The following LEKR1 variants were observed in gnomAD, a reference collection of about 807,000 sequenced individuals.
The protein encoded by LEKR1 is protein LEKR1.
LEKR1 carries 59 observed loss-of-function variants against 72.4 expected under a neutral mutation model. That is an observed-to-expected ratio of 0.82 (90% CI 0.66 to 1.01). LEKR1 has a LOEUF of 1.01. Ranked by LOEUF, LEKR1 falls within the 50% of genes least tolerant of loss-of-function variation. LEKR1 has a pLI of 0.00. For synonymous variants in LEKR1, 257 were observed against 263.2 expected (o/e 0.98, Z 0.23); for missense variants, 728 against 759.2 (o/e 0.96, Z 0.48).
At chr3:156,887,923 T>A (rs537799084) in intron 3 of LEKR1, among the ~76,000 whole-genome samples, 1 of 152,330 alleles carries the variant, frequency 6.6e-6, no homozygotes, top group East Asian at 1.9e-4. Flanking sequence ...TATATGTGTT[T>A]TATATCATTG....
chr3:156,934,249 G>A (rs1271668426), intron 5 of LEKR1, among the ~76,000 whole-genome samples: 1 of 152,148 alleles, frequency 6.6e-6, no homozygotes, highest in Non-Finnish European at 1.5e-5. Flanking sequence ...TTGTTTTGCT[G>A]AGTGCTGTAT....
intron 3 of LEKR1, among the ~76,000 whole-genome samples, chr3:156,913,429 A>G (rs542237499): frequency 6.6e-5 from 10 of 152,256 alleles, no homozygotes; most frequent in African/African-American, 2.4e-4. Context: ...GCTCTCCACT[A>G]GAATATTATT....
At chr3:156,889,055 A>G (rs924056728) in intron 3 of LEKR1, among the ~76,000 whole-genome samples, 2 of 152,146 alleles carry the variant, frequency 1.3e-5, no homozygotes, top group Non-Finnish European at 2.9e-5. Context: ...AGAATACATT[A>G]TCATTTTCTC....
chr3:156,903,269 A>C (rs1241697254), intron 3 of LEKR1, among the ~76,000 whole-genome samples: 2 of 152,064 alleles, frequency 1.3e-5, no homozygotes. Context: ...TATCTTTGTT[A>C]ATTTGTTAGA....
chr3:156,852,009 T>C (rs896089327), intron 2 of LEKR1, among the ~76,000 whole-genome samples: 10 of 152,288 alleles, frequency 6.6e-5, no homozygotes, highest in African/African-American at 2.2e-4. Flanking sequence ...CAACACTTTA[T>C]CTGAAGGAAG....
chr3:156,872,945 A>G (rs1166459982), intron 3 of LEKR1, among the ~76,000 whole-genome samples: 1 of 152,002 alleles, frequency 6.6e-6, no homozygotes, highest in African/African-American at 2.4e-5. Context: ...TTCTGTATAT[A>G]TCTGTTAGGT....
At chr3:156,838,779 T>G (rs926161940) in intron 2 of LEKR1, among the ~76,000 whole-genome samples, 4 of 151,958 alleles carry the variant, frequency 2.6e-5, no homozygotes, top group Non-Finnish European at 5.9e-5. Flanking sequence ...AACATACTGG[T>G]GGGGGGCTGA....
chr3:156,991,346 A>G (rs1186881874), intron 7 of LEKR1, among the ~76,000 whole-genome samples: 1 of 151,954 alleles, frequency 6.6e-6, no homozygotes, highest in Non-Finnish European at 1.5e-5. Flanking sequence ...TCTTTTCTGT[A>G]TCTTACAATT....
chr3:157,012,177 C>A (rs1284045236), intron 10 of LEKR1, among the ~76,000 whole-genome samples: 1 of 152,104 alleles, frequency 6.6e-6, no homozygotes, highest in African/African-American at 2.4e-5. Flanking sequence ...AAGCAGTCAT[C>A]TTTCTGCCAT....
intron 3 of LEKR1, among the ~76,000 whole-genome samples, chr3:156,896,167 T>C (rs1721158817): frequency 6.6e-6 from 1 of 151,696 alleles, no homozygotes; most frequent in South Asian, 2.1e-4. Flanking sequence ...TGAGAACACA[T>C]GGGGGGAAAG....
intron 2 of LEKR1, among the ~76,000 whole-genome samples, chr3:156,850,264 A>G (rs1715191280): frequency 6.6e-6 from 1 of 151,376 alleles, no homozygotes; most frequent in Admixed American, 6.6e-5. Context: ...TATATTTTAT[A>G]TATTTGTATA....
chr3:156,934,702 G>T (rs931561643), intron 5 of LEKR1, among the ~76,000 whole-genome samples: 1 of 151,378 alleles, frequency 6.6e-6, no homozygotes, highest in African/African-American at 2.4e-5. Flanking sequence ...CAGAAAAGGG[G>T]CAAAAAAAAG....
intron 3 of LEKR1, among the ~76,000 whole-genome samples, chr3:156,901,348 C>G (rs4680313): frequency 0.87 from 132,140 of 152,140 alleles, 57,695 homozygotes; most frequent in African/African-American, 0.96. Context: ...GCCTCTCTTT[C>G]TTGCCTCCTT....
In LEKR1 at chr3:156,927,004, A is replaced by G. The variant is rs991872574; in HGVS notation, c.384-425A>G. 3.3e-5 allele frequency among the ~76,000 whole-genome samples: 5 copies of G among 152,012 alleles called. No individual in the cohort carries two copies. In the East Asian group the frequency reaches 7.7e-4, roughly 23 times the overall value. ...GTCACTTTGAATTGTTTTATTTATT[A>G]TTACCCCAGATTTTTCACTACCTAT... On this transcript the variant is annotated intron_variant, in intron 4 of 12. Coordinates refer to ENST00000356539, the MANE Select transcript of LEKR1 (RefSeq NM_001004316.3).
In LEKR1 at chr3:157,024,943, C is replaced by A. The variant is rs1734084093; in HGVS notation, c.1368+19C>A. ...AATGAAGGTCTGTAATTATGATGTT[C>A]ATCATTATTTAATAGATTTGAAACT... On this transcript the variant is annotated intron_variant, in intron 11 of 12. Coordinates refer to ENST00000356539, the MANE Select transcript of LEKR1 (RefSeq NM_001004316.3). The A allele has an allele frequency of 6.6e-7, 1 of 1,509,898 alleles. No homozygotes were observed. The highest frequency in any genetic ancestry group is 1.2e-5 in the South Asian group (1 of 83,992). 93.5% of individuals were successfully genotyped at this position (1,509,898 alleles called of 1,614,324 possible).
At chr3:156,943,188 T>C (rs1726379962) in intron 6 of LEKR1, among the ~76,000 whole-genome samples, 1 of 151,916 alleles carries the variant, frequency 6.6e-6, no homozygotes, top group Non-Finnish European at 1.5e-5. Context: ...CTGAAGATAG[T>C]AAGGGATCAA....
chr3:156,923,967 T>C (rs927812880), intron 4 of LEKR1, among the ~76,000 whole-genome samples: 2 of 152,196 alleles, frequency 1.3e-5, no homozygotes, highest in African/African-American at 4.8e-5. Flanking sequence ...GACCTCATGA[T>C]CTGCCTACCT....
In LEKR1 at chr3:156,914,788, T is replaced by A. The variant is rs554648577; in HGVS notation, c.264-5787T>A. Among the ~76,000 whole-genome samples the A allele has an allele frequency of 1.5e-3, 236 of 152,332 alleles. 3 individuals are homozygous for A. The highest frequency in any genetic ancestry group is 5.6e-3 in the African/African-American group (231 of 41,582). On this transcript the variant is annotated intron_variant, in intron 3 of 12. Coordinates refer to ENST00000356539, the MANE Select transcript of LEKR1 (RefSeq NM_001004316.3). ...GTTGTGCTTCTAGTACCTCATTTTT[T>A]AAAATTACGCTTTTATTTTAGGTTT...
At chr3:156,833,881 C>T (rs1025748793) in intron 2 of LEKR1, among the ~76,000 whole-genome samples, 2 of 151,138 alleles carry the variant, frequency 1.3e-5, no homozygotes, top group African/African-American at 4.9e-5. Context: ...CATGTGGCTA[C>T]CTGAATCTCT....
Sources: gnomAD v4.1 joint callset for allele counts (sites outside exome capture counted in the v4.1 genomes callset) on GRCh38, gnomAD v4.1.1 for gene constraint, MANE v1.5 for transcripts, NCBI Gene and HGNC (gene_info 2026-07-23, HGNC 2026-07-21) for gene names.